The following RPS6KC1 variants were observed in gnomAD, a reference collection of about 807,000 sequenced individuals.
RPS6KC1 encodes ribosomal protein S6 kinase C1.
A neutral mutation model predicts 103.8 loss-of-function variants in RPS6KC1; 54 were observed. That is an observed-to-expected ratio of 0.52 (90% confidence interval 0.42 to 0.65). The LOEUF is 0.65. RPS6KC1 is among the 30% of genes least tolerant of loss of function. The pLI is 0.00. For synonymous variants in RPS6KC1, 439 were observed against 438.7 expected (o/e 1.00, Z -0.01); for missense variants, 1,151 against 1,253.8 (o/e 0.92, Z 1.24).
At chr1:213,639,347 A>G in the RPS6KC1 span, among the ~76,000 whole-genome samples, 4 of 152,074 alleles carry the variant, frequency 2.6e-5, no homozygotes, top group African/African-American at 4.8e-5. Flanking sequence ...TACTTGCATT[A>G]TTGCACTGGA....
intron 5 of RPS6KC1, among the ~76,000 whole-genome samples, chr1:213,124,219 A>G (rs1211053421): frequency 1.3e-5 from 2 of 152,158 alleles, no homozygotes; most frequent in African/African-American, 4.8e-5. Flanking sequence ...TTCCCCTTGT[A>G]TCACTTCCAA....
chr1:213,461,362 G>A, the RPS6KC1 span, among the ~76,000 whole-genome samples: 2 of 152,158 alleles, frequency 1.3e-5, no homozygotes, highest in South Asian at 2.1e-4. Context: ...ACTGCCCTAA[G>A]TAATTTATAG....
the RPS6KC1 span, among the ~76,000 whole-genome samples, chr1:213,515,012 C>A: frequency 6.6e-6 from 1 of 152,172 alleles, no homozygotes; most frequent in Non-Finnish European, 1.5e-5. Context: ...TGTCTTTTGG[C>A]TGCATAAATG....
the RPS6KC1 span, among the ~76,000 whole-genome samples, chr1:213,496,906 C>G: frequency 6.6e-6 from 1 of 152,208 alleles, no homozygotes; most frequent in Non-Finnish European, 1.5e-5. Context: ...AGCATTTACA[C>G]CACAAGGGTT....
chr1:213,316,777 G>T, the RPS6KC1 span, among the ~76,000 whole-genome samples: 4 of 152,064 alleles, frequency 2.6e-5, no homozygotes, highest in South Asian at 8.3e-4. Flanking sequence ...GAGTGATTGA[G>T]GGGGCCTCAT....
chr1:213,466,542 G>A, the RPS6KC1 span, among the ~76,000 whole-genome samples: 162 of 152,320 alleles, frequency 1.1e-3, 1 homozygote, highest in African/African-American at 3.6e-3. Context: ...CAAAGAGAAG[G>A]AGGGGATGAG....
chr1:213,799,471 A>T, the RPS6KC1 span, among the ~76,000 whole-genome samples: 2 of 152,188 alleles, frequency 1.3e-5, no homozygotes, highest in African/African-American at 4.8e-5. Flanking sequence ...GACGCTGGCT[A>T]ACAGGTCTTA....
the RPS6KC1 span, among the ~76,000 whole-genome samples, chr1:213,474,370 T>G: frequency 2.6e-5 from 4 of 151,900 alleles, no homozygotes; most frequent in African/African-American, 9.7e-5. Flanking sequence ...ACAAGGCTAT[T>G]TCATGTGTTT....
chr1:213,654,023 C>T, the RPS6KC1 span, among the ~76,000 whole-genome samples: 1 of 152,192 alleles, frequency 6.6e-6, no homozygotes, highest in Non-Finnish European at 1.5e-5. Context: ...GTGTATAGAC[C>T]CTACAGCCCC....
intron 3 of RPS6KC1, among the ~76,000 whole-genome samples, chr1:213,086,354 C>T (rs2080397508): frequency 6.6e-6 from 1 of 152,190 alleles, no homozygotes; most frequent in African/African-American, 2.4e-5. Context: ...GAGCTTCCTG[C>T]TTGCCAGTCT....
rs1340643998 is a variant in RPS6KC1 at position 213,076,243 on chromosome 1, A to G, written c.142-1453A>G. On this transcript the variant is annotated intron_variant, in intron 2 of 14. Transcript: ENST00000366960. ...CAGTTTTTAAAAATTAATTCATATT[A>G]TAGTCTGCCTAGCCTCCTAGGATTA... Among the ~76,000 whole-genome samples the G allele has an allele frequency of 6.6e-5, 10 of 152,242 alleles. No individual in the cohort carries two copies. The East Asian group carries it at 1.9e-3, about 29-fold the overall frequency.
chr1:213,609,121 T>A, the RPS6KC1 span, among the ~76,000 whole-genome samples: 1 of 152,184 alleles, frequency 6.6e-6, no homozygotes, highest in Non-Finnish European at 1.5e-5. Context: ...CCAAAGCAGG[T>A]CCATTCCTAA....
chr1:213,200,330 G>A (rs1163690188), intron 8 of RPS6KC1, among the ~76,000 whole-genome samples: 1 of 151,866 alleles, frequency 6.6e-6, no homozygotes, highest in East Asian at 1.9e-4. Flanking sequence ...AAATAAGACT[G>A]CATACCCACA....
the RPS6KC1 span, chr1:213,818,250 G>T: frequency 2.6e-5 from 4 of 152,236 alleles, no homozygotes; most frequent in Non-Finnish European, 5.9e-5. Flanking sequence ...AGATGATTAA[G>T]CTCAGTGAGG....
At chr1:213,626,781 C>T in the RPS6KC1 span, among the ~76,000 whole-genome samples, 17 of 151,980 alleles carry the variant, frequency 1.1e-4, no homozygotes, top group Non-Finnish European at 2.1e-4. Context: ...GTTCCATTGG[C>T]CTATATCTCT....
At chr1:213,205,742 T>C (rs538397018) in intron 8 of RPS6KC1, among the ~76,000 whole-genome samples, 2 of 151,796 alleles carry the variant, frequency 1.3e-5, no homozygotes, top group African/African-American at 4.8e-5. Context: ...AATGCTTTGA[T>C]ATTTTATTCT....
the RPS6KC1 span, among the ~76,000 whole-genome samples, chr1:213,774,195 A>G: frequency 6.6e-6 from 1 of 152,242 alleles, no homozygotes; most frequent in Admixed American, 6.5e-5. Context: ...AAGTTATCAT[A>G]AGAAAACCAT....
chr1:213,524,080 G>T, the RPS6KC1 span, among the ~76,000 whole-genome samples: 1 of 152,134 alleles, frequency 6.6e-6, no homozygotes, highest in Non-Finnish European at 1.5e-5. Context: ...GCTGCAGTAT[G>T]GTCCTATTAT....
chr1:213,643,386 C>G, the RPS6KC1 span, among the ~76,000 whole-genome samples: 3 of 151,064 alleles, frequency 2.0e-5, no homozygotes, highest in Non-Finnish European at 4.4e-5. Flanking sequence ...ACCTAGATAT[C>G]TTATAGTTTC....
Sources: allele counts gnomAD v4.1 joint callset (sites outside exome capture counted in the v4.1 genomes callset), GRCh38; gene constraint gnomAD v4.1.1; transcripts MANE v1.5; gene names NCBI Gene and HGNC (gene_info 2026-07-23, HGNC 2026-07-21).